FBXO31: variants seen among roughly 807,000 people sequenced by gnomAD.
FBXO31 encodes F-box only protein 31.
Under a neutral mutation model 54.4 loss-of-function variants are expected in FBXO31, and 24 were observed. The ratio of observed to expected loss-of-function variants is 0.44; its 90% CI spans 0.32 to 0.62. The LOEUF is 0.62. Among genes scored for constraint, FBXO31 ranks in the 20% least tolerant of loss-of-function variants. The pLI is 0.05. For synonymous variants in FBXO31, 388 were observed against 335.6 expected, an observed-to-expected ratio of 1.16 and a Z score of -1.71; for missense variants, 665 against 787.1, an observed-to-expected ratio of 0.84 and a Z score of 1.86.
chr16:87,344,550 G>C (rs898264695), intron 3 of FBXO31, among the ~76,000 whole-genome samples: 2 of 152,172 alleles, frequency 1.3e-5, no homozygotes, highest in Non-Finnish European at 2.9e-5. Flanking sequence ...CATCATTTCT[G>C]TGGCTCACGA....
At chr16:87,350,998 G>A (rs189734697) in intron 2 of FBXO31, among the ~76,000 whole-genome samples, 58 of 152,346 alleles carry the variant, frequency 3.8e-4, no homozygotes, top group African/African-American at 1.1e-3. Context: ...AGCAACGGCC[G>A]CTGCTGACCA....
intron 4 of FBXO31, 72 bp downstream of exon 4, chr16:87,343,526 C>T (rs908237174): frequency 2.2e-5 from 34 of 1,518,176 alleles, no homozygotes; most frequent in East Asian, 9.8e-5. Flanking sequence ...GAGAATAGCA[C>T]GGCAGGCCTG....
At chr16:87,341,335 A>G (rs368019735) in intron 5 of FBXO31, among the ~76,000 whole-genome samples, 9 of 152,296 alleles carry the variant, frequency 5.9e-5, no homozygotes, top group African/African-American at 2.2e-4. Context: ...CTATTCTTGA[A>G]AAATCTGTTG....
intron 1 of FBXO31, among the ~76,000 whole-genome samples, chr16:87,378,906 G>A (rs989855469): frequency 1.3e-5 from 2 of 150,178 alleles, no homozygotes; most frequent in African/African-American, 2.5e-5. Flanking sequence ...AGCTTGCAAT[G>A]AGCAGAGATG....
chr16:87,391,791 C>G (rs1299649061), upstream of FBXO31: 1 of 152,264 alleles, frequency 6.6e-6, no homozygotes, highest in East Asian at 1.9e-4. Context: ...CAGAGGGGGC[C>G]AGGGCTCCAC....
chr16:87,384,535 C>T (rs907107271), upstream of FBXO31, among the ~76,000 whole-genome samples: 13 of 152,248 alleles, frequency 8.5e-5, no homozygotes, highest in Non-Finnish European at 1.6e-4. Context: ...CCTGCTCCAG[C>T]TGGGCTCCGC....
At chr16:87,343,557 G>A (rs1229022962) in intron 4 of FBXO31, 41 bp downstream of exon 4, 12 of 1,559,742 alleles carry the variant, frequency 7.7e-6, no homozygotes, top group African/African-American at 4.1e-5. Context: ...ACACAGGACA[G>A]CCCTGGGACA....
chr16:87,372,641 G>T (rs1018203880), intron 1 of FBXO31, among the ~76,000 whole-genome samples: 1 of 151,860 alleles, frequency 6.6e-6, no homozygotes, highest in African/African-American at 2.4e-5. Context: ...GGTCACTGCA[G>T]ACTCAAACTC....
At position 87,358,839 on chromosome 16, in the gene FBXO31, T is replaced by G. The variant is rs1906009900; in HGVS notation, c.412+1456A>C. Among the ~76,000 whole-genome samples, 1 of 152,080 alleles carries G rather than the reference T, an allele frequency of 6.6e-6. No homozygotes were observed. Among genetic ancestry groups the G allele is most frequent in the Non-Finnish European group, 1.5e-5 (1 of 68,028 alleles). On this transcript the variant is annotated intron_variant, in intron 2 of 8. Coordinates refer to ENST00000311635, the MANE Select transcript of FBXO31 (RefSeq NM_024735.5). The surrounding 1 kb of genome is among the most constrained non-coding windows in gnomAD (Gnocchi z 4.0). ...TCAGGAGGTGGGAGGGCAGGTGTCCTGGCAGGTGAGCATCTGGGATGACCG... is the reference window on the plus strand; with the variant it reads ...TCAGGAGGTGGGAGGGCAGGTGTCCGGGCAGGTGAGCATCTGGGATGACCG...
upstream of FBXO31, among the ~76,000 whole-genome samples, chr16:87,386,479 C>A (rs561162724): frequency 2.8e-4 from 42 of 152,318 alleles, no homozygotes; most frequent in South Asian, 2.1e-4. Flanking sequence ...GTCACCCAGG[C>A]TGGAGTGCAG....
In FBXO31 at chr16:87,336,278, AC is replaced by A; in HGVS notation, c.733-15del. ...CGTCCGAAACTCCTTCCAAAAGAACACAGGTCATGAATATCCATATGACAGG... is the reference window on the plus strand; with the variant it reads ...CGTCCGAAACTCCTTCCAAAAGAACAAGGTCATGAATATCCATATGACAGG... On this transcript the variant is annotated splice_polypyrimidine_tract_variant and intron_variant, in intron 5 of 8. Transcript: ENST00000311635. This position sits in a 1 kb window ranked among gnomAD's most constrained non-coding sequence, Gnocchi z 6.5. The A allele has an allele frequency of 6.2e-7, 1 of 1,611,770 alleles. No homozygotes were observed. Among genetic ancestry groups the A allele is most frequent in the Non-Finnish European group, 8.5e-7 (1 of 1,178,270 alleles).
intron 1 of FBXO31, among the ~76,000 whole-genome samples, chr16:87,369,747 T>C (rs919046300): frequency 6.6e-6 from 1 of 152,224 alleles, no homozygotes; most frequent in African/African-American, 2.4e-5. Flanking sequence ...GGAACTACAA[T>C]ACTGTTTTCC....
intron 5 of FBXO31, among the ~76,000 whole-genome samples, chr16:87,337,485 G>A (rs933136353): frequency 6.6e-6 from 1 of 152,194 alleles, no homozygotes; most frequent in African/African-American, 2.4e-5. Flanking sequence ...CAGGCCATCA[G>A]GAAAACGAAG....
At position 87,335,303 on chromosome 16, in the gene FBXO31, C is replaced by T. The variant is rs368442324; in HGVS notation, c.996+1G>A. 1 of 1,613,342 alleles carries T rather than the reference C, an allele frequency of 6.2e-7. No homozygotes were observed. Among genetic ancestry groups the T allele is most frequent in the African/African-American group, 1.3e-5 (1 of 74,944 alleles). On this transcript the variant is annotated splice_donor_variant, in intron 7 of 8. Transcript: ENST00000311635. LOFTEE classifies it high-confidence loss of function. This position sits in a 1 kb window ranked among gnomAD's most constrained non-coding sequence, Gnocchi z 5.7. ...CACCAACCAGGTCAGCCGCCACTCA[C>T]CGTGATCTTGGTGCCCCTGGCACGC... is the stretch of plus-strand genomic sequence containing the variant.
intron 5 of FBXO31, among the ~76,000 whole-genome samples, chr16:87,342,339 G>C (rs1047659964): frequency 1.3e-5 from 2 of 151,816 alleles, no homozygotes; most frequent in African/African-American, 2.4e-5. Flanking sequence ...ACAGGTGTGA[G>C]CCACCGCACC....
At chr16:87,347,358 G>C in intron 2 of FBXO31, 108 bp from the exon 3 acceptor site, 1 of 904,268 alleles carries the variant, frequency 1.1e-6, no homozygotes, top group Non-Finnish European at 1.8e-6. Flanking sequence ...CAAAAGGCTT[G>C]CAAGAGCCCT....
At chr16:87,380,024 C>G (rs940728873) in intron 1 of FBXO31, among the ~76,000 whole-genome samples, 5 of 144,678 alleles carry the variant, frequency 3.5e-5, no homozygotes, top group African/African-American at 1.0e-4. Flanking sequence ...AAAAGGCCTG[C>G]CGCGGTGGCT....
At position 87,335,137 on chromosome 16, in the gene FBXO31, G is replaced by A. The variant is rs980360963; in HGVS notation, c.996+167C>T. ...ATGCAATTCTGGTTCAGTGGGGCTG[G>A]CTGGGGCCCGAGAATCTGCTTTCCC... On this transcript the variant is annotated intron_variant, in intron 7 of 8. Coordinates refer to ENST00000311635, the MANE Select transcript of FBXO31 (RefSeq NM_024735.5). The surrounding 1 kb of genome is among the most constrained non-coding windows in gnomAD (Gnocchi z 5.7). Among the ~76,000 whole-genome samples, 2 of 152,222 alleles carry A rather than the reference G, an allele frequency of 1.3e-5. No individual in the cohort carries two copies. The highest frequency in any genetic ancestry group is 6.5e-5 in the Admixed American group (1 of 15,292).
Position 87,374,779 on chromosome 16 carries a change from C to T in FBXO31, c.340+8626G>A, listed in dbSNP as rs547219393. Among the ~76,000 whole-genome samples the T allele has an allele frequency of 2.7e-5, 4 of 150,078 alleles. No homozygotes were observed. In the South Asian group the frequency reaches 8.3e-4, roughly 31 times the overall value. On this transcript the variant is annotated intron_variant, in intron 1 of 8. Transcript: ENST00000311635. Reference sequence around the variant, plus strand: ...GGAGGAGTACGCGCCTGAGTCATTCCTGTTTTTAAATGTAATCTTTTGTTA... The same window carrying T: ...GGAGGAGTACGCGCCTGAGTCATTCTTGTTTTTAAATGTAATCTTTTGTTA...
Sources: allele counts gnomAD v4.1 joint callset (sites outside exome capture counted in the v4.1 genomes callset), GRCh38; gene constraint gnomAD v4.1.1; non-coding constraint Gnocchi (gnomAD v3.1); transcripts MANE v1.5; gene names NCBI Gene and HGNC (gene_info 2026-07-23, HGNC 2026-07-21).